The following ALDH16A1 variants were observed in gnomAD, a reference collection of about 807,000 sequenced individuals.
ALDH16A1 encodes the protein aldehyde dehydrogenase family 16 member A1.
ALDH16A1 carries 88 observed loss-of-function variants against 96.1 expected under a neutral mutation model. The ratio of observed to expected loss-of-function variants is 0.92; its 90% CI spans 0.77 to 1.09. The LOEUF (loss-of-function observed/expected upper bound fraction) is 1.09. Ranked by LOEUF, ALDH16A1 falls within the 50% of genes least tolerant of loss-of-function variation. ALDH16A1 has a pLI of 0.00. For missense variants in ALDH16A1, 1,250 were observed against 1,112.6 expected (o/e 1.12, Z -1.76); for synonymous variants, 522 against 496.4 (o/e 1.05, Z -0.69).
intron 5 of ALDH16A1, 90 bp downstream of exon 5, chr19:49,460,989 G>T (rs2079136821): frequency 1.4e-6 from 2 of 1,398,580 alleles, no homozygotes; most frequent in Middle Eastern, 2.4e-4. Flanking sequence ...AGACAAGGGG[G>T]CTGGAGGCCT....
chr19:49,469,145 C>G lies in ALDH16A1; in HGVS notation c.2247+159C>G. 8 of 1,112,236 alleles carry G rather than the reference C, an allele frequency of 7.2e-6. No individual in the cohort carries two copies. Among genetic ancestry groups the G allele is most frequent in the Non-Finnish European group, 1.0e-5 (8 of 802,454 alleles). 68.9% of individuals were successfully genotyped at this position (1,112,236 alleles called of 1,614,324 possible). A position where few individuals can be genotyped will look rare whatever the true frequency, so the allele number is the denominator to read the frequency against. On this transcript the variant is annotated intron_variant, in intron 16 of 16. Transcript: ENST00000293350. Reference sequence around the variant, plus strand: ...GGCCCCGCCCTTAGGACTCAAGTTACTAAGGAAGAGGCTGTCCTTAGCAAC... The same window carrying G: ...GGCCCCGCCCTTAGGACTCAAGTTAGTAAGGAAGAGGCTGTCCTTAGCAAC...
chr19:49,454,893 C>T (rs1389659312), intron 1 of ALDH16A1, among the ~76,000 whole-genome samples: 6 of 152,020 alleles, frequency 3.9e-5, no homozygotes, highest in Non-Finnish European at 7.4e-5. Context: ...CCTAGGTGGG[C>T]GGATCACCTG....
At position 49,468,409 on chromosome 19, in the gene ALDH16A1, G is replaced by C; in HGVS notation, c.1967G>C (p.Arg656Pro). 6.2e-7 allele frequency: 1 copy of C among 1,600,122 alleles called. No homozygotes were observed. The highest frequency in any genetic ancestry group is 8.5e-7 in the Non-Finnish European group (1 of 1,179,780). Reference protein sequence around the residue: ...QVAGLRGPVLRLREPLGVLAV... With the variant: ...QVAGLRGPVLPLREPLGVLAV... ...GCCGGGCTGAGAGGCCCTGTGCTGC[G>C]CCTGCGGGAGCCGCTGGGTGTGCTG... is the stretch of plus-strand genomic sequence containing the variant. The change falls in exon 15 of 17, where the codon CGC becomes CCC. Residue 656 changes from arginine to proline, a missense_variant. Coordinates refer to ENST00000293350, the MANE Select transcript of ALDH16A1 (RefSeq NM_153329.4). This position sits in a 1 kb window ranked among gnomAD's most constrained non-coding sequence, Gnocchi z 4.4.
chr19:49,470,450 C>T lies in ALDH16A1; in HGVS notation c.2392C>T (p.Leu798=). The change falls in exon 17 of 17, where the codon CTG becomes TTG. Residue 798 remains leucine (L), a synonymous_variant. Transcript: ENST00000293350. ...AGTGGCGCGGACCAAGGCCCTGTGG[C>T]TGCCTATGGGGGACTGATGCCTGAG... ...LRVARTKALW[L]PMGD The T allele has an allele frequency of 1.9e-6, 3 of 1,596,936 alleles. No homozygotes were observed. The South Asian group carries it at 3.4e-5, about 18-fold the overall frequency.
At position 49,470,408 on chromosome 19, in the gene ALDH16A1, C is replaced by T. The variant is rs2079235955; in HGVS notation, c.2350C>T (p.Pro784Ser). Residue 784 changes from proline to serine, a missense_variant, in exon 17 of 17, where the codon CCA becomes TCA. Transcript: ENST00000293350. ...GGACCAGGAGGCCGAGGGGGCAGGCCCAGAGCTGGGGCTGCGAGTGGCGCG... is the reference window on the plus strand; with the variant it reads ...GGACCAGGAGGCCGAGGGGGCAGGCTCAGAGCTGGGGCTGCGAGTGGCGCG... ...AWDQEAEGAG[P>S]ELGLRVARTK... is the part of the protein sequence containing the mutation. 1 of 1,609,980 alleles carries T rather than the reference C, an allele frequency of 6.2e-7. No individual in the cohort carries two copies. Among genetic ancestry groups the T allele is most frequent in the African/African-American group, 1.3e-5 (1 of 74,782 alleles).
At chr19:49,466,757 G>C (rs894460201) in intron 14 of ALDH16A1, among the ~76,000 whole-genome samples, 4 of 151,980 alleles carry the variant, frequency 2.6e-5, no homozygotes, top group African/African-American at 9.7e-5. Context: ...CTACTTAGGA[G>C]GCTGAGGCAG....
At chr19:49,453,948 T>C (rs1057368347) in intron 1 of ALDH16A1, among the ~76,000 whole-genome samples, 2 of 151,574 alleles carry the variant, frequency 1.3e-5, no homozygotes, top group Admixed American at 1.3e-4. Context: ...CCCTCAATAC[T>C]CGTGGGGTTC....
intron 9 of ALDH16A1, 23 bp from the exon 10 acceptor site, chr19:49,464,104 A>T (rs1380443178): frequency 1.2e-6 from 2 of 1,600,998 alleles, no homozygotes; most frequent in Non-Finnish European, 1.7e-6. Flanking sequence ...TGGAGGGCTG[A>T]GCCTCCCGGT....
In ALDH16A1 at chr19:49,470,321, G is replaced by A. The variant is rs146766187; in HGVS notation, c.2263G>A (p.Glu755Lys). Residue 755 changes from glutamate (E) to lysine (K), a missense_variant, in exon 17 of 17, where the codon GAG (glutamate) becomes AAG (lysine). Glu to Lys is a moderately conservative substitution (Grantham distance 56). Coordinates refer to ENST00000293350, the MANE Select transcript of ALDH16A1 (RefSeq NM_153329.4). ...CTCCCCTCAGGGTTCCCAGTTTGTCGAGTGGGCCTCGGCAGGAAACCTCAA... is the reference window on the plus strand; with the variant it reads ...CTCCCCTCAGGGTTCCCAGTTTGTCAAGTGGGCCTCGGCAGGAAACCTCAA... ...FGSAQGSQFV[E>K]WASAGNLKPV... is the part of the protein sequence containing the mutation. 243 of 1,613,518 alleles carry A rather than the reference G, an allele frequency of 1.5e-4. No individual in the cohort carries two copies. In the African/African-American group the frequency reaches 2.7e-3, roughly 18 times the overall value.
At chr19:49,463,702 G>T in intron 8 of ALDH16A1, 152 bp from the exon 9 acceptor site, 1 of 581,422 alleles carries the variant, frequency 1.7e-6, no homozygotes. Flanking sequence ...TCTGAGGGAG[G>T]AGAGGCTGGG....
At position 49,466,621 on chromosome 19, in the gene ALDH16A1, G is replaced by A. The variant is rs8104544; in HGVS notation, c.1938+338G>A. Among the ~76,000 whole-genome samples the A allele has an allele frequency of 7.0e-3, 1,066 of 152,294 alleles. 9 individuals are homozygous for A. The highest frequency in any genetic ancestry group is 0.023 in the African/African-American group (971 of 41,538). On this transcript the variant is annotated intron_variant, in intron 14 of 16. Transcript: ENST00000293350. ...CACGCCTGTAATCCCAGTACTTCGC[G>A]AGGCTGAGGCAGGCGGATCACGAGG...
intron 1 of ALDH16A1, among the ~76,000 whole-genome samples, chr19:49,454,020 G>GTTTTTTTT (rs3032838): frequency 0.012 from 830 of 68,016 alleles, 12 homozygotes; most frequent in African/African-American, 0.036. Flanking sequence ...TTTGGGTTGG[G>GTTTTTTTT]TTTTTTTTTT....
Position 49,458,483 on chromosome 19 carries a change from C to A in ALDH16A1, c.91-3C>A, listed in dbSNP as rs867326060. The A allele has an allele frequency of 1.3e-6, 2 of 1,557,358 alleles. No homozygotes were observed. The highest frequency in any genetic ancestry group is 1.7e-6 in the Non-Finnish European group (2 of 1,149,358). ...CTTTCCAAACTGTCTCTACCTCCCC[C>A]AGGCCTGGCTGGACACCCAGGACCG... On this transcript the variant is annotated splice_polypyrimidine_tract_variant and splice_region_variant and intron_variant, in intron 1 of 16. Transcript: ENST00000293350.
chr19:49,460,949 G>A, intron 5 of ALDH16A1, 50 bp downstream of exon 5: 1 of 1,575,934 alleles, frequency 6.3e-7, no homozygotes, highest in Non-Finnish European at 8.7e-7. Flanking sequence ...GAAAGGAGGG[G>A]ATCGTGGGGC....
chr19:49,470,645 TTTC>T lies in ALDH16A1; in HGVS notation c.*181_*183del. 1 of 563,784 alleles carries T rather than the reference TTTC, an allele frequency of 1.8e-6. No individual in the cohort carries two copies. The highest frequency in any genetic ancestry group is 2.6e-6 in the Non-Finnish European group (1 of 379,478). The allele number at this position is 563,784 out of a possible 1,614,324, so 34.9% of individuals were successfully genotyped here. ...CAACTTCTGGCAGATATGAGGCTTT[TTTC>T]TTTTTTTTTTTTTTTTTTGAGACAA... is the stretch of plus-strand genomic sequence containing the variant. On this transcript the variant is annotated 3_prime_UTR_variant, in exon 17 of 17. Transcript: ENST00000293350.
intron 16 of ALDH16A1, 67 bp from the exon 17 acceptor site, chr19:49,470,239 G>T (rs139823644): frequency 6.3e-7 from 1 of 1,578,912 alleles, no homozygotes; most frequent in Non-Finnish European, 8.7e-7. Context: ...AGTCTTCATC[G>T]CGGAGGAAGC....
chr19:49,456,278 A>C (rs60397490), intron 1 of ALDH16A1, among the ~76,000 whole-genome samples: 2,546 of 152,298 alleles, frequency 0.017, 63 homozygotes, highest in African/African-American at 0.058. Flanking sequence ...TGGATGTCAC[A>C]GTATTTTCCT....
In ALDH16A1 at chr19:49,468,363, A is replaced by T; in HGVS notation, c.1939-18A>T. ...GCGGGGCTCCCCTGCCCCACACGTGACCCACCTGTCCCTGCAGGTAGCCGG... is the reference window on the plus strand; with the variant it reads ...GCGGGGCTCCCCTGCCCCACACGTGTCCCACCTGTCCCTGCAGGTAGCCGG... On this transcript the variant is annotated intron_variant, in intron 14 of 16. Transcript: ENST00000293350. The surrounding 1 kb of genome is among the most constrained non-coding windows in gnomAD (Gnocchi z 4.4). 6.3e-7 allele frequency: 1 copy of T among 1,595,972 alleles called. No homozygotes were observed. The highest frequency in any genetic ancestry group is 1.1e-5 in the South Asian group (1 of 90,828).
chr19:49,458,670 C>T (rs1445156680), intron 2 of ALDH16A1, 82 bp downstream of exon 2: 3 of 1,432,536 alleles, frequency 2.1e-6, no homozygotes, highest in African/African-American at 2.8e-5. Context: ...TTCCCCTTGC[C>T]TAGGGCCCTG....
Sources: allele counts gnomAD v4.1 joint callset (sites outside exome capture counted in the v4.1 genomes callset), GRCh38; gene constraint gnomAD v4.1.1; non-coding constraint Gnocchi (gnomAD v3.1); transcripts MANE v1.5; gene names NCBI Gene and HGNC (gene_info 2026-07-23, HGNC 2026-07-21).